KMT2C: variants seen among roughly 807,000 people sequenced by gnomAD.
KMT2C encodes lysine methyltransferase 2C.
A neutral mutation model predicts 507.9 loss-of-function variants in KMT2C; 88 were observed. That is an observed-to-expected ratio of 0.17 (90% CI 0.15 to 0.21). The LOEUF (loss-of-function observed/expected upper bound fraction) is 0.21. Ranked by LOEUF, KMT2C falls within the 10% of genes least tolerant of loss-of-function variation. The pLI, the probability that KMT2C is intolerant of heterozygous loss-of-function variation, is 1.00. For synonymous variants in KMT2C, 2,049 were observed against 2,080.8 expected (o/e 0.98, Z 0.42); for missense variants, 4,954 against 5,957.8 (o/e 0.83, Z 5.55).
Position 152,156,215 on chromosome 7 carries a change from C to A in KMT2C, c.11802G>T (p.Val3934=), listed in dbSNP as rs2129099785. ...AGGCTATAATCATACCTTCATGGCTCACTAACACTCCGGCTTTTCCAGCAA... is the reference window on the plus strand; with the variant it reads ...AGGCTATAATCATACCTTCATGGCTAACTAACACTCCGGCTTTTCCAGCAA... ...EELAGKAGVL[V]SHEVTKTLGP... Residue 3934 remains valine (V), a synonymous_variant, in exon 45 of 59, where the codon GTG becomes GTT. Transcript: ENST00000262189. 6.2e-7 allele frequency: 1 copy of A among 1,614,110 alleles called. No homozygotes were observed. Among genetic ancestry groups the A allele is most frequent in the East Asian group, 2.2e-5 (1 of 44,878 alleles).
chr7:152,143,141 G>C (rs1015174963), intron 55 of KMT2C, among the ~76,000 whole-genome samples: 4 of 152,210 alleles, frequency 2.6e-5, no homozygotes, highest in African/African-American at 9.7e-5. Flanking sequence ...GACTTAGCAG[G>C]GGAAAGCTAG....
chr7:152,210,413 C>T (rs1273347894), intron 23 of KMT2C, among the ~76,000 whole-genome samples: 7 of 152,156 alleles, frequency 4.6e-5, no homozygotes, highest in Non-Finnish European at 8.8e-5. Flanking sequence ...TTTAATCATG[C>T]ATGTACCATA....
At chr7:152,341,935 T>C (rs2129220187) in intron 2 of KMT2C, among the ~76,000 whole-genome samples, 1 of 152,322 alleles carries the variant, frequency 6.6e-6, no homozygotes, top group South Asian at 2.1e-4. Context: ...CTAAAGTTTC[T>C]ATTCTTGTAA....
intron 50 of KMT2C, 24 bp from the exon 51 acceptor site, chr7:152,151,031 G>A (rs1437575401): frequency 1.7e-5 from 24 of 1,422,400 alleles, no homozygotes; most frequent in Non-Finnish European, 2.4e-5. Flanking sequence ...AGAAATGTGT[G>A]GGAATCTCAA....
At chr7:152,161,108 G>C (rs1281545375) in intron 43 of KMT2C, among the ~76,000 whole-genome samples, 1 of 152,194 alleles carries the variant, frequency 6.6e-6, no homozygotes, top group Non-Finnish European at 1.5e-5. Flanking sequence ...ATGTCTTGGA[G>C]AAAGTGGATG....
intron 2 of KMT2C, among the ~76,000 whole-genome samples, chr7:152,345,701 A>G (rs1456421421): frequency 6.6e-6 from 1 of 152,012 alleles, no homozygotes; most frequent in Non-Finnish European, 1.5e-5. Flanking sequence ...TTGTATTTTT[A>G]ATAGAGGTGG....
chr7:152,270,044 G>A (rs2095932920), intron 7 of KMT2C, among the ~76,000 whole-genome samples: 1 of 152,228 alleles, frequency 6.6e-6, no homozygotes, highest in African/African-American at 2.4e-5. Flanking sequence ...CTGTCATACA[G>A]TGTGAATTTA....
rs2091768048 is a variant in KMT2C at position 152,153,064 on chromosome 7, G to GA, written c.12277-111dup. 6 of 1,336,768 alleles carry GA rather than the reference G, an allele frequency of 4.5e-6. No individual in the cohort carries two copies. In the East Asian group the frequency reaches 1.2e-4, roughly 27 times the overall value. 82.8% of individuals were successfully genotyped at this position (1,336,768 alleles called of 1,614,324 possible). On this transcript the variant is annotated intron_variant, in intron 48 of 58. Coordinates refer to ENST00000262189, the MANE Select transcript of KMT2C (RefSeq NM_170606.3). ...TCTTTGCATGATACATAGATTCTAA[G>GA]AAAATCCAACAAATTTTATTTAGAC...
intron 1 of KMT2C, among the ~76,000 whole-genome samples, chr7:152,426,811 A>G (rs2097823487): frequency 6.6e-6 from 1 of 152,310 alleles, no homozygotes; most frequent in African/African-American, 2.4e-5. Context: ...AAATTTAAGT[A>G]ACTTGCCCAA....
Position 152,158,942 on chromosome 7 carries a change from C to T in KMT2C, c.11591G>A (p.Arg3864His), listed in dbSNP as rs774117324. 6.2e-6 allele frequency: 10 copies of T among 1,614,044 alleles called. No individual in the cohort carries two copies. The highest frequency in any genetic ancestry group is 1.3e-5 in the African/African-American group (1 of 74,916). The stretch of plus-strand genomic sequence containing the variant: ...TTCGTCCTTTTTCCTTTTCTTTGAG[C>T]GAGGTGCTGCTTTCTCACCCGTCCT... ...TQRTGEKAAP[R>H]SKKRKKDEEE... The change falls in exon 44 of 59, where the codon CGC becomes CAC. Residue 3864 changes from arginine (R) to histidine (H), a missense_variant. By Grantham distance (29) the Arg-to-His change is conservative. Around this residue, in one of 29 missense-constraint regions of KMT2C, gnomAD observed 801 missense variants for 751.2 expected, o/e 1.07. Transcript: ENST00000262189.
At chr7:152,207,651 A>T (rs1414204976) in intron 23 of KMT2C, among the ~76,000 whole-genome samples, 5 of 152,146 alleles carry the variant, frequency 3.3e-5, no homozygotes, top group Non-Finnish European at 5.9e-5. Context: ...AGAGAAGGGG[A>T]ACACAGAACT....
intron 6 of KMT2C, among the ~76,000 whole-genome samples, chr7:152,297,732 G>A (rs2096529571): frequency 1.3e-5 from 2 of 152,076 alleles, no homozygotes; most frequent in South Asian, 4.1e-4. Context: ...CAAAGCTCAA[G>A]AAGATTTATA....
intron 18 of KMT2C, among the ~76,000 whole-genome samples, chr7:152,225,945 T>C (rs1443546201): frequency 6.6e-6 from 1 of 152,172 alleles, no homozygotes; most frequent in Non-Finnish European, 1.5e-5. Flanking sequence ...GCAGTGAACA[T>C]TTACTGAGTC....
intron 40 of KMT2C, 116 bp downstream of exon 40, chr7:152,171,148 T>G: frequency 1.8e-6 from 1 of 558,562 alleles, no homozygotes. Flanking sequence ...GAAATCCGCA[T>G]TTACTTCTGC....
intron 42 of KMT2C, among the ~76,000 whole-genome samples, chr7:152,166,820 C>A (rs1285147694): frequency 6.6e-6 from 1 of 152,132 alleles, no homozygotes; most frequent in Non-Finnish European, 1.5e-5. Context: ...ATGGTCTTTG[C>A]AGTGATTTCT....
Position 152,148,283 on chromosome 7 carries a change from A to C in KMT2C, c.13644T>G (p.Phe4548Leu). The C allele has an allele frequency of 1.2e-6, 2 of 1,614,142 alleles. No homozygotes were observed. Among genetic ancestry groups the C allele is most frequent in the East Asian group, 4.5e-5 (2 of 44,898 alleles). The change falls in exon 52 of 59, where the codon TTT (phenylalanine) becomes TTG (leucine). Residue 4548 changes from phenylalanine (F) to leucine (L), a missense_variant. Transcript: ENST00000262189. This position sits in a 1 kb window ranked among gnomAD's most constrained non-coding sequence, Gnocchi z 7.1. The part of the protein sequence containing the change: ...IVQRGERDHT[F>L]RVGSLIFHTI... ...TGTGGAAGATGAGGCTACCCACGCG[A>C]AAGGTATGGTCCCGTTCTCCTCGTT...
At chr7:152,283,613 TA>T (rs2096254054) in intron 6 of KMT2C, among the ~76,000 whole-genome samples, 1 of 152,182 alleles carries the variant, frequency 6.6e-6, no homozygotes, top group African/African-American at 2.4e-5. Flanking sequence ...CAGATGTATG[TA>T]AAAATCTAGT....
intron 48 of KMT2C, 47 bp from the exon 49 acceptor site, chr7:152,153,001 T>G: frequency 6.3e-7 from 1 of 1,598,990 alleles, no homozygotes; most frequent in South Asian, 1.1e-5. Context: ...AAGGCAACAG[T>G]GAACCACTGA....
chr7:152,165,899 G>A (rs2092706736), intron 42 of KMT2C, among the ~76,000 whole-genome samples: 1 of 152,060 alleles, frequency 6.6e-6, no homozygotes, highest in Non-Finnish European at 1.5e-5. Flanking sequence ...ACGTTGGCCA[G>A]CTGGTCTCGA....
Sources: allele counts gnomAD v4.1 joint callset (sites outside exome capture counted in the v4.1 genomes callset), GRCh38; gene constraint gnomAD v4.1.1; regional missense constraint gnomAD v4.1.1; non-coding constraint Gnocchi (gnomAD v3.1); transcripts MANE v1.5; gene names NCBI Gene and HGNC (gene_info 2026-07-23, HGNC 2026-07-21).